LAMB1: variants seen among roughly 807,000 people sequenced by gnomAD.
LAMB1 encodes laminin subunit beta-1.
Under a neutral mutation model 222.3 loss-of-function variants are expected in LAMB1, and 121 were observed. The observed-to-expected ratio is 0.54, with a 90% CI of 0.47 to 0.63. The LOEUF (loss-of-function observed/expected upper bound fraction) is 0.63. Ranked by LOEUF, LAMB1 falls within the 30% of genes least tolerant of loss-of-function variation. The pLI is 0.00. For missense variants in LAMB1, 2,172 were observed against 2,240.8 expected, an observed-to-expected ratio of 0.97 and a Z score of 0.62; for synonymous variants, 794 against 807.2, an observed-to-expected ratio of 0.98 and a Z score of 0.28.
rs2033456641 is a variant in LAMB1 at position 107,959,763 on chromosome 7, G to GCCGGCACTGGCACTGGCCT, written c.2367_2385dup (p.Pro796ArgfsTer33). Reference sequence around the variant, plus strand: ...TTGCAGGTTCTTCCAACCACGTTGGGCCGGCACTGGCACTGGCCTCCGTTG... The same window carrying GCCGGCACTGGCACTGGCCT: ...TTGCAGGTTCTTCCAACCACGTTGGGCCGGCACTGGCACTGGCCTCCGGCACTGGCACTGGCCTCCGTTG... On this transcript the variant is annotated frameshift_variant, in exon 19 of 34. Coordinates refer to ENST00000222399, the MANE Select transcript of LAMB1 (RefSeq NM_002291.3). LOFTEE classifies it high-confidence loss of function. The GCCGGCACTGGCACTGGCCT allele has an allele frequency of 6.2e-7, 1 of 1,614,054 alleles. No homozygotes were observed. The highest frequency in any genetic ancestry group is 8.5e-7 in the Non-Finnish European group (1 of 1,180,024).
intron 16 of LAMB1, 41 bp from the exon 17 acceptor site, chr7:107,961,370 C>T: frequency 6.2e-7 from 1 of 1,602,702 alleles, no homozygotes; most frequent in Non-Finnish European, 8.5e-7. Context: ...CGAAAGTCAA[C>T]CTTCATGCAT....
intron 32 of LAMB1, among the ~76,000 whole-genome samples, chr7:107,925,178 C>T (rs530015259): frequency 3.6e-4 from 54 of 152,094 alleles, no homozygotes; most frequent in Non-Finnish European, 6.5e-4. Context: ...ACGTAATGCC[C>T]GAAAAGCTAC....
At position 107,923,846 on chromosome 7, in the gene LAMB1, T is replaced by G; in HGVS notation, c.*105A>C. On this transcript the variant is annotated 3_prime_UTR_variant, in exon 34 of 34. Coordinates refer to ENST00000222399, the MANE Select transcript of LAMB1 (RefSeq NM_002291.3). ...TATTTAACTCCATACAAAATGTGAT[T>G]AAAAACATTAAATAGGTGATGTTTT... is the stretch of plus-strand genomic sequence containing the variant. 1 of 1,070,162 alleles carries G rather than the reference T, an allele frequency of 9.3e-7. No homozygotes were observed. Among genetic ancestry groups the G allele is most frequent in the East Asian group, 2.6e-5 (1 of 38,590 alleles). 66.3% of individuals were successfully genotyped at this position (1,070,162 alleles called of 1,614,324 possible). A position where few individuals can be genotyped will look rare whatever the true frequency, so the allele number is the denominator to read the frequency against.
chr7:107,957,315 C>A (rs2033398203), intron 20 of LAMB1, among the ~76,000 whole-genome samples: 2 of 152,026 alleles, frequency 1.3e-5, no homozygotes, highest in South Asian at 4.2e-4. Context: ...CACCTGAACC[C>A]AGGAGGCAGA....
chr7:107,979,557 T>C (rs928567130), intron 8 of LAMB1, among the ~76,000 whole-genome samples: 9 of 152,208 alleles, frequency 5.9e-5, no homozygotes, highest in African/African-American at 2.2e-4. Context: ...ATAAGTCCTA[T>C]CTGGCCTTAA....
Position 107,980,695 on chromosome 7 carries a change from T to C in LAMB1, c.793A>G (p.Met265Val). ...REKYYYAVYD[M>V]VVRGNCFCYG... ...CAGAAGCAATTTCCTCGAACCACCA[T>C]ATCATAAACTGCATAATAATACTTT... Residue 265 changes from methionine (M) to valine (V), a missense_variant, in exon 8 of 34, where the codon ATG becomes GTG. By Grantham distance (21) the Met-to-Val change is conservative (BLOSUM62 1). Transcript: ENST00000222399. The C allele has an allele frequency of 1.2e-6, 2 of 1,613,882 alleles. No homozygotes were observed. Among genetic ancestry groups the C allele is most frequent in the South Asian group, 1.1e-5 (1 of 91,078 alleles).
chr7:107,952,146 G>A lies in LAMB1; in HGVS notation c.3157C>T (p.Gln1053Ter). ...SDCQCDKATG[Q>*]CLCLPNVIGQ... ...ATCACATTAGGAAGACACAAGCACT[G>A]ACCAGTGGCTTTGTCGCACTGGCAG... is the stretch of plus-strand genomic sequence containing the variant. Residue 1053 changes from glutamine (Q) to a stop codon, truncating the protein, a stop_gained, in exon 23 of 34, where the codon CAG (glutamine) becomes TAG (stop). Coordinates refer to ENST00000222399, the MANE Select transcript of LAMB1 (RefSeq NM_002291.3). LOFTEE classifies it high-confidence loss of function. 1 of 1,613,920 alleles carries A rather than the reference G, an allele frequency of 6.2e-7. No individual in the cohort carries two copies. Among genetic ancestry groups the A allele is most frequent in the Non-Finnish European group, 8.5e-7 (1 of 1,179,856 alleles).
In LAMB1 at chr7:107,967,468, A is replaced by G. The variant is rs980402353; in HGVS notation, c.1563-2781T>C. On this transcript the variant is annotated intron_variant, in intron 13 of 33. Coordinates refer to ENST00000222399, the MANE Select transcript of LAMB1 (RefSeq NM_002291.3). Reference sequence around the variant, plus strand: ...CTTTCATTGTTTCACGAAAACCCACAATTGTTTCTTATGATATCAAGCCAT... The same window carrying G: ...CTTTCATTGTTTCACGAAAACCCACGATTGTTTCTTATGATATCAAGCCAT... Among the ~76,000 whole-genome samples the G allele has an allele frequency of 2.0e-5, 3 of 152,098 alleles. No individual in the cohort carries two copies. In the South Asian group the frequency reaches 6.2e-4, roughly 32 times the overall value.
intron 9 of LAMB1, among the ~76,000 whole-genome samples, chr7:107,976,990 TTC>T (rs1365619284): frequency 1.0e-4 from 9 of 86,214 alleles, no homozygotes; most frequent in African/African-American, 3.7e-4. Flanking sequence ...TCCTTTCCTC[TTC>T]CTCCTTCCTT....
At chr7:107,965,567 G>A (rs2033617352) in intron 13 of LAMB1, among the ~76,000 whole-genome samples, 1 of 151,610 alleles carries the variant, frequency 6.6e-6, no homozygotes, top group Admixed American at 6.6e-5. Context: ...CAACAAGAGT[G>A]AAACTTCTGT....
At chr7:107,951,837 G>A (rs573963130) in intron 23 of LAMB1, among the ~76,000 whole-genome samples, 172 bp downstream of exon 23, 1 of 152,286 alleles carries the variant, frequency 6.6e-6, no homozygotes, top group Non-Finnish European at 1.5e-5. Context: ...GTCTGATGGG[G>A]ACTCTGTGCA....
In LAMB1 at chr7:108,002,204, G is replaced by A. The variant is rs533278790; in HGVS notation, c.38-471C>T. 107 of 1,366,582 alleles carry A rather than the reference G, an allele frequency of 7.8e-5. 1 individual carries two copies. The East Asian group carries it at 3.3e-3, about 43-fold the overall frequency. The allele number at this position is 1,366,582 out of a possible 1,614,324, so 84.7% of individuals were successfully genotyped here. A position where few individuals can be genotyped will look rare whatever the true frequency, so the allele number is the denominator to read the frequency against. ...TGTGCGCGTGGAGATCTGTGAGCTT[G>A]GGAAGCGAGAGTGCGTGTGCGTGCA... On this transcript the variant is annotated intron_variant, in intron 2 of 33. Transcript: ENST00000222399.
chr7:107,967,503 G>A (rs536676338), intron 13 of LAMB1, among the ~76,000 whole-genome samples: 4 of 152,258 alleles, frequency 2.6e-5, no homozygotes, highest in Admixed American at 2.6e-4. Context: ...TGATGCCTCT[G>A]CCTGGCTTTC....
chr7:107,981,387 G>A (rs1444778666), intron 7 of LAMB1, among the ~76,000 whole-genome samples: 1 of 151,700 alleles, frequency 6.6e-6, no homozygotes, highest in Non-Finnish European at 1.5e-5. Context: ...GGTGGAGGTT[G>A]CAGTGAGCCG....
At chr7:107,955,434 CTCTT>C (rs753640446) in intron 21 of LAMB1, 29 bp downstream of exon 21, 2 of 1,577,292 alleles carry the variant, frequency 1.3e-6, no homozygotes, top group South Asian at 1.2e-5. Context: ...CTTTTTCTCT[CTCTT>C]TGCCTCCCAA....
At position 107,932,286 on chromosome 7, in the gene LAMB1, C is replaced by G; in HGVS notation, c.4280G>C (p.Gly1427Ala). 1.2e-6 allele frequency: 2 copies of G among 1,614,174 alleles called. No individual in the cohort carries two copies. The highest frequency in any genetic ancestry group is 1.7e-6 in the Non-Finnish European group (2 of 1,180,030). ...RTDEGERKCG[G>A]PGCGGLVTVA... ...AGTAACCAGACCACCACAGCCAGGC[C>G]CCCCACACTTCCTCTCTCCTTCGTC... The change falls in exon 28 of 34, where the codon GGG (glycine) becomes GCG (alanine). Residue 1427 changes from glycine (G) to alanine (A), a missense_variant. Coordinates refer to ENST00000222399, the MANE Select transcript of LAMB1 (RefSeq NM_002291.3).
Position 107,984,977 on chromosome 7 carries a change from C to G in LAMB1, c.676+1045G>C, listed in dbSNP as rs150704738. On this transcript the variant is annotated intron_variant, in intron 7 of 33. Transcript: ENST00000222399. The stretch of plus-strand genomic sequence containing the variant: ...AGCTACACTTCTTCTCTAGAAAACT[C>G]TTTGGTGGGTTTTGTAAGAGAGAAA... Among the ~76,000 whole-genome samples the G allele has an allele frequency of 2.5e-3, 378 of 152,268 alleles. 4 individuals are homozygous for G. Among genetic ancestry groups the G allele is most frequent in the African/African-American group, 8.7e-3 (363 of 41,562 alleles).
At chr7:107,941,861 G>A (rs4730282) in intron 24 of LAMB1, among the ~76,000 whole-genome samples, 4 of 97,744 alleles carry the variant, frequency 4.1e-5, no homozygotes, top group African/African-American at 7.7e-5. Flanking sequence ...TTTTTTTTAA[G>A]AGACGGTGTT....
chr7:107,938,189 G>A (rs990471594), intron 25 of LAMB1, among the ~76,000 whole-genome samples: 5 of 152,196 alleles, frequency 3.3e-5, no homozygotes, highest in Non-Finnish European at 5.9e-5. Context: ...ATGCTGAAAG[G>A]TTGGGAGCCA....
Sources: gnomAD v4.1 joint callset for allele counts (sites outside exome capture counted in the v4.1 genomes callset) on GRCh38, gnomAD v4.1.1 for gene constraint, MANE v1.5 for transcripts, NCBI Gene and HGNC (gene_info 2026-07-23, HGNC 2026-07-21) for gene names.